Variants in TRPM3 observed in about 807,000 individuals in gnomAD.
TRPM3 encodes transient receptor potential cation channel subfamily M member 3, also known as long transient receptor potential channel 3.
In TRPM3, 77 loss-of-function variants were observed where a neutral mutation model predicts 181.2. That is an observed-to-expected ratio of 0.42 (90% CI 0.35 to 0.51). The LOEUF (loss-of-function observed/expected upper bound fraction) is 0.51, where lower values mean the gene tolerates loss of function less well. TRPM3 is among the 20% of genes least tolerant of loss of function. TRPM3 has a pLI of 0.01. For missense variants in TRPM3, 1,759 were observed against 2,196.7 expected, an observed-to-expected ratio of 0.80 and a Z score of 3.98; for synonymous variants, 745 against 796.4, an observed-to-expected ratio of 0.94 and a Z score of 1.09.
chr9:70,633,595 G>A (rs2066305646), intron 12 of TRPM3, among the ~76,000 whole-genome samples: 2 of 152,172 alleles, frequency 1.3e-5, no homozygotes. Flanking sequence ...GCCAAAGGAT[G>A]GAGATTTTGA....
chr9:71,210,368 T>C (rs1412014375), intron 1 of TRPM3, among the ~76,000 whole-genome samples: 2 of 152,182 alleles, frequency 1.3e-5, no homozygotes, highest in Non-Finnish European at 2.9e-5. Flanking sequence ...TATATTACAA[T>C]GTTATAATAA....
chr9:70,561,024 T>C (rs773695636), intron 22 of TRPM3, among the ~76,000 whole-genome samples: 1 of 152,152 alleles, frequency 6.6e-6, no homozygotes, highest in Non-Finnish European at 1.5e-5. Context: ...TCCTTAAAAA[T>C]ATGGCAAAAA....
intron 22 of TRPM3, among the ~76,000 whole-genome samples, chr9:70,590,064 G>A (rs1248165267): frequency 6.6e-6 from 1 of 152,188 alleles, no homozygotes; most frequent in Non-Finnish European, 1.5e-5. Flanking sequence ...GCAAAAAAAT[G>A]TCTGAAAAAT....
At chr9:70,937,251 A>T (rs1232148024) in intron 1 of TRPM3, among the ~76,000 whole-genome samples, 1 of 152,180 alleles carries the variant, frequency 6.6e-6, no homozygotes, top group South Asian at 2.1e-4. Flanking sequence ...GTTAGAATTA[A>T]ATTTAGGTTC....
At position 71,032,412 on chromosome 9, in the gene TRPM3, A is replaced by G. The variant is rs2057652481; in HGVS notation, c.177+88766T>C. ...CCAATTAACCCACCTGAAAATGTAT[A>G]CATTTATTTTTTCTACCACTACACT... On this transcript the variant is annotated intron_variant, in intron 1 of 25. Transcript: ENST00000677713. Among the ~76,000 whole-genome samples, 5 of 151,552 alleles carry G rather than the reference A, an allele frequency of 3.3e-5. No individual in the cohort carries two copies. In the South Asian group the frequency reaches 1.0e-3, roughly 31 times the overall value.
chr9:71,185,584 C>G (rs985604829), intron 1 of TRPM3, among the ~76,000 whole-genome samples: 1 of 152,024 alleles, frequency 6.6e-6, no homozygotes, highest in Non-Finnish European at 1.5e-5. Context: ...CAAAGCTTCT[C>G]CTGGAGCAAT....
chr9:71,113,657 A>G (rs2071646202), intron 1 of TRPM3, among the ~76,000 whole-genome samples: 1 of 152,180 alleles, frequency 6.6e-6, no homozygotes, highest in Non-Finnish European at 1.5e-5. Context: ...TGATCCCTTA[A>G]AAAATAATTA....
chr9:71,395,404 T>G, intron 1 of TRPM3, among the ~76,000 whole-genome samples: 1 of 152,316 alleles, frequency 6.6e-6, no homozygotes, highest in East Asian at 1.9e-4. Context: ...TCTAAGTAGT[T>G]TCTTATTGAA....
At chr9:70,859,718 C>T (rs1480124654) in intron 3 of TRPM3, among the ~76,000 whole-genome samples, 1 of 121,080 alleles carries the variant, frequency 8.3e-6, no homozygotes, top group Non-Finnish European at 1.8e-5. Flanking sequence ...TACAATTTTC[C>T]AGCAGGAGAA....
intron 8 of TRPM3, among the ~76,000 whole-genome samples, chr9:70,692,560 C>A (rs529052005): frequency 3.9e-4 from 60 of 152,278 alleles, no homozygotes; most frequent in Middle Eastern, 3.4e-3. Context: ...TCTAAAATGG[C>A]ACTGCAAAAC....
rs2057878911 is a variant in TRPM3 at position 70,640,408 on chromosome 9, A to G, written c.1446+152T>C. 3.9e-6 allele frequency: 2 copies of G among 516,914 alleles called. 1 individual carries two copies. The highest frequency in any genetic ancestry group is 7.8e-5 in the South Asian group (2 of 25,638). 32.0% of individuals were successfully genotyped at this position (516,914 alleles called of 1,614,324 possible). A position where few individuals can be genotyped will look rare whatever the true frequency, so the allele number is the denominator to read the frequency against. ...TGGCGGTGCTTTCCTAAATATGAGAAAGGGAGCTCAGGATACAGACTTTGC... is the reference window on the plus strand; with the variant it reads ...TGGCGGTGCTTTCCTAAATATGAGAGAGGGAGCTCAGGATACAGACTTTGC... On this transcript the variant is annotated intron_variant, in intron 10 of 25. Transcript: ENST00000677713.
chr9:71,319,182 T>C (rs143712494), intron 1 of TRPM3, among the ~76,000 whole-genome samples: 13 of 152,236 alleles, frequency 8.5e-5, no homozygotes, highest in Admixed American at 7.9e-4. Context: ...TGTAAGTGTA[T>C]TAGTCAGGGT....
intron 1 of TRPM3, among the ~76,000 whole-genome samples, chr9:71,273,145 G>C (rs1251824766): frequency 6.6e-6 from 1 of 152,048 alleles, no homozygotes; most frequent in Non-Finnish European, 1.5e-5. Flanking sequence ...CAAAGTGCTG[G>C]GATTTATGAG....
intron 1 of TRPM3, among the ~76,000 whole-genome samples, chr9:71,378,679 A>G (rs1230558025): frequency 6.6e-6 from 1 of 152,024 alleles, no homozygotes; most frequent in East Asian, 1.9e-4. Flanking sequence ...CTATGTTGTC[A>G]CTATTCAAAT....
chr9:70,787,182 A>C lies in TRPM3; in HGVS notation c.974-2903T>G, dbSNP rs529366517. Among the ~76,000 whole-genome samples, 10 of 152,334 alleles carry C rather than the reference A, an allele frequency of 6.6e-5. No individual in the cohort carries two copies. The South Asian group carries it at 2.1e-3, about 32-fold the overall frequency. ...GAAGTACAGAAAGATTTTCAGGATA[A>C]TGATTTCCTATATTTGAACTGAAAC... On this transcript the variant is annotated intron_variant, in intron 6 of 25. Transcript: ENST00000677713.
chr9:71,181,442 G>A (rs1184975800), intron 1 of TRPM3, among the ~76,000 whole-genome samples: 1 of 149,704 alleles, frequency 6.7e-6, no homozygotes, highest in African/African-American at 2.5e-5. Context: ...AATAATCTGA[G>A]CCCTTAGGTC....
chr9:70,581,951 T>TCC (rs1564423642), intron 22 of TRPM3, among the ~76,000 whole-genome samples: 4 of 71,644 alleles, frequency 5.6e-5, no homozygotes, highest in Non-Finnish European at 1.1e-4. Context: ...TTCCTTGTCT[T>TCC]CTCCTTCCTT....
rs116844378 is a variant in TRPM3, at chr9:71,328,107, G to C, written c.183+118546C>G. Among the ~76,000 whole-genome samples, 1,471 of 151,486 alleles carry C rather than the reference G, an allele frequency of 9.7e-3. 16 individuals carry two copies. The highest frequency in any genetic ancestry group is 0.013 in the Non-Finnish European group (877 of 67,868). On this transcript the variant is annotated intron_variant, in intron 1 of 24. Transcript: ENST00000357533. ...AAAAAAAAAACCCCAAGTGACAAGA[G>C]TGAAGAAGCCAAAGGGTCTCCAACC...
intron 7 of TRPM3, among the ~76,000 whole-genome samples, chr9:70,764,579 G>T (rs1357487018): frequency 6.6e-6 from 1 of 152,090 alleles, no homozygotes; most frequent in African/African-American, 2.4e-5. Flanking sequence ...AAGACAGTAA[G>T]AATCTTATCC....
Sources: allele counts gnomAD v4.1 joint callset (sites outside exome capture counted in the v4.1 genomes callset), GRCh38; gene constraint gnomAD v4.1.1; transcripts MANE v1.5; gene names NCBI Gene and HGNC (gene_info 2026-07-23, HGNC 2026-07-21).